The following STPG2 variants were observed in gnomAD, a reference collection of about 807,000 sequenced individuals.
STPG2 encodes the protein sperm-tail PG-rich repeat-containing protein 2.
STPG2 carries 56 observed loss-of-function variants against 54.2 expected under a neutral mutation model. The observed-to-expected ratio is 1.03, with a 90% CI of 0.83 to 1.29. The LOEUF (loss-of-function observed/expected upper bound fraction) is 1.29, where lower values mean the gene tolerates loss of function less well. Ranked by LOEUF, STPG2 falls within the 50% of genes most tolerant of loss-of-function variation. STPG2 has a pLI of 0.00. For synonymous variants in STPG2, 200 were observed against 181.8 expected, an observed-to-expected ratio of 1.10 and a Z score of -0.81; for missense variants, 596 against 544.9, an observed-to-expected ratio of 1.09 and a Z score of -0.93.
At chr4:97,796,968 G>C (rs1288909462) in intron 9 of STPG2, among the ~76,000 whole-genome samples, 6 of 152,118 alleles carry the variant, frequency 3.9e-5, no homozygotes, top group Non-Finnish European at 2.9e-5. Flanking sequence ...TTGTGAATGG[G>C]AGTTCACTCA....
intron 6 of STPG2, among the ~76,000 whole-genome samples, chr4:97,978,221 A>T (rs56078821): frequency 0.027 from 4,112 of 152,286 alleles, 191 homozygotes; most frequent in African/African-American, 0.092. Context: ...AAGCATGTGT[A>T]TGTTCATTGA....
intron 10 of STPG2, among the ~76,000 whole-genome samples, chr4:97,612,900 A>G (rs1267518397): frequency 6.6e-6 from 1 of 152,046 alleles, no homozygotes. Flanking sequence ...TTATATAATG[A>G]TAATTAAAAA....
chr4:97,840,298 T>C (rs1027802687), intron 9 of STPG2, among the ~76,000 whole-genome samples: 2 of 151,650 alleles, frequency 1.3e-5, no homozygotes, highest in Non-Finnish European at 3.0e-5. Context: ...TCTGTTTTTT[T>C]CCCTAATAGA....
Position 97,840,872 on chromosome 4 carries a change from G to C in STPG2, c.1105C>G (p.His369Asp). The change falls in exon 9 of 11, where the codon CAT (histidine) becomes GAT (aspartate). Residue 369 changes from histidine (H) to aspartate (D), a missense_variant. Physicochemically the swap from His to Asp is moderately conservative, Grantham distance 81 (BLOSUM62 -1). Coordinates refer to ENST00000295268, the MANE Select transcript of STPG2 (RefSeq NM_174952.3). Reference protein sequence around the residue: ...HKSYEMSQVKHKYMPPRSLVA... With the variant: ...HKSYEMSQVKDKYMPPRSLVA... ...AAACTACGAGGTGGCATATATTTAT[G>C]CTTAACTTGGGACATCTCATATGAT... 1 of 1,612,054 alleles carries C rather than the reference G, an allele frequency of 6.2e-7. No homozygotes were observed. Among genetic ancestry groups the C allele is most frequent in the Admixed American group, 1.7e-5 (1 of 59,820 alleles).
At chr4:97,522,349 T>C (rs930148643) in intron 4 of STPG2, among the ~76,000 whole-genome samples, 1 of 152,052 alleles carries the variant, frequency 6.6e-6, no homozygotes, top group African/African-American at 2.4e-5. Flanking sequence ...TATTTTGTTA[T>C]AATCATTACT....
chr4:97,962,737 G>A (rs1358230831), intron 7 of STPG2, among the ~76,000 whole-genome samples: 3 of 152,140 alleles, frequency 2.0e-5, no homozygotes, highest in Non-Finnish European at 2.9e-5. Context: ...ATTTTACTAA[G>A]TACAAAGAGT....
intron 8 of STPG2, among the ~76,000 whole-genome samples, chr4:97,852,299 G>C (rs1729185702): frequency 6.6e-6 from 1 of 152,146 alleles, no homozygotes; most frequent in African/African-American, 2.4e-5. Context: ...GGTTCAGTAT[G>C]GCAAGAACTA....
At position 97,897,588 on chromosome 4, in the gene STPG2, T is replaced by A. The variant is rs546399339; in HGVS notation, c.1044+46309A>T. On this transcript the variant is annotated intron_variant, in intron 8 of 10. Coordinates refer to ENST00000295268, the MANE Select transcript of STPG2 (RefSeq NM_174952.3). ...CATCTGTTATTTTTTGACTTTTTAA[T>A]AACAGCCATTCTGACTGGTGTGATA... Among the ~76,000 whole-genome samples the A allele has an allele frequency of 1.6e-3, 246 of 152,210 alleles. 2 individuals are homozygous for A. Among genetic ancestry groups the A allele is most frequent in the Admixed American group, 0.011 (161 of 15,278 alleles).
At chr4:97,830,685 C>G (rs1728426420) in intron 9 of STPG2, among the ~76,000 whole-genome samples, 1 of 151,994 alleles carries the variant, frequency 6.6e-6, no homozygotes, top group African/African-American at 2.4e-5. Context: ...GGAAGATTTA[C>G]CAAGCAAATT....
intron 4 of STPG2, among the ~76,000 whole-genome samples, chr4:97,526,314 A>G (rs1214991059): frequency 6.6e-6 from 1 of 152,092 alleles, no homozygotes; most frequent in Non-Finnish European, 1.5e-5. Flanking sequence ...TATTTCAACT[A>G]TGATATATAA....
At chr4:97,590,341 C>T (rs1033415855) in intron 10 of STPG2, among the ~76,000 whole-genome samples, 2 of 151,750 alleles carry the variant, frequency 1.3e-5, no homozygotes, top group African/African-American at 4.8e-5. Flanking sequence ...ATCTGTGTCT[C>T]GGTCAGCAGC....
chr4:97,698,255 T>C (rs996199094), intron 10 of STPG2, among the ~76,000 whole-genome samples: 3 of 152,242 alleles, frequency 2.0e-5, no homozygotes, highest in South Asian at 2.1e-4. Context: ...TGTTGGAGTT[T>C]CCCATTAAGC....
intron 10 of STPG2, among the ~76,000 whole-genome samples, chr4:97,622,897 C>A (rs1734048314): frequency 6.6e-6 from 1 of 152,118 alleles, no homozygotes. Context: ...ATCAAAACAG[C>A]ACAATACTGG....
chr4:97,725,813 G>C (rs1393190691), intron 9 of STPG2, among the ~76,000 whole-genome samples: 1 of 151,722 alleles, frequency 6.6e-6, no homozygotes, highest in Non-Finnish European at 1.5e-5. Context: ...CTGAGTCCAG[G>C]CATTGAAAGA....
rs75034510 is a variant in STPG2, at chr4:97,938,043, A to T, written c.1044+5854T>A. On this transcript the variant is annotated intron_variant, in intron 8 of 10. Transcript: ENST00000295268. ...TGGCCACCCCTTCCCCTAGGGATTC[A>T]GACTGAAGGAAATCAGAGTTCTGTC... is the stretch of plus-strand genomic sequence containing the variant. 1.1e-4 allele frequency among the ~76,000 whole-genome samples: 16 copies of T among 152,204 alleles called. No homozygotes were observed. In the East Asian group the frequency reaches 2.9e-3, roughly 28 times the overall value.
At chr4:97,448,823 GA>G (rs1404653036) in intron 4 of STPG2, among the ~76,000 whole-genome samples, 4 of 152,062 alleles carry the variant, frequency 2.6e-5, no homozygotes, top group Non-Finnish European at 5.9e-5. Context: ...TATCAATCAA[GA>G]AAGAATTTGG....
At chr4:97,873,374 C>T (rs1730059638) in intron 8 of STPG2, among the ~76,000 whole-genome samples, 1 of 151,242 alleles carries the variant, frequency 6.6e-6, no homozygotes, top group African/African-American at 2.4e-5. Context: ...CTGTGAAAAC[C>T]AGACCTCCTA....
chr4:97,999,393 C>G (rs1735340912), intron 5 of STPG2, among the ~76,000 whole-genome samples: 1 of 152,104 alleles, frequency 6.6e-6, no homozygotes, highest in Non-Finnish European at 1.5e-5. Context: ...AAGCAATTAT[C>G]AGATAGAGAA....
intron 4 of STPG2, among the ~76,000 whole-genome samples, chr4:97,538,087 A>G (rs570287270): frequency 1.6e-4 from 24 of 152,270 alleles, no homozygotes; most frequent in Admixed American, 1.5e-3. Context: ...AACCACAAAG[A>G]TGGGGAAAAA....
Sources: allele counts gnomAD v4.1 joint callset (sites outside exome capture counted in the v4.1 genomes callset), GRCh38; gene constraint gnomAD v4.1.1; transcripts MANE v1.5; gene names NCBI Gene and HGNC (gene_info 2026-07-23, HGNC 2026-07-21).